Variants in MPP7 observed in about 807,000 individuals in gnomAD.
The protein encoded by MPP7 is MAGUK p55 scaffold protein 7.
MPP7 carries 60 observed loss-of-function variants against 76.5 expected under a neutral mutation model. The ratio of observed to expected loss-of-function variants is 0.78; its 90% confidence interval spans 0.64 to 0.97. MPP7 has a LOEUF of 0.97. MPP7 is among the 50% of genes least tolerant of loss of function. MPP7 has a pLI of 0.00. For synonymous variants in MPP7, 237 were observed against 244.5 expected, an observed-to-expected ratio of 0.97 and a Z score of 0.29; for missense variants, 641 against 694.0, an observed-to-expected ratio of 0.92 and a Z score of 0.86.
At chr10:28,236,026 GCACATTTCACA>G (rs1839063668) in intron 2 of MPP7, among the ~76,000 whole-genome samples, 2 of 152,140 alleles carry the variant, frequency 1.3e-5, no homozygotes, top group Admixed American at 6.5e-5. Flanking sequence ...CACTAGTAAC[GCACATTTCACA>G]CTTAAGATTT....
chr10:28,246,230 G>T (rs1403361309), intron 1 of MPP7, among the ~76,000 whole-genome samples: 1 of 151,998 alleles, frequency 6.6e-6, no homozygotes, highest in Non-Finnish European at 1.5e-5. Context: ...CATGTACAAG[G>T]AAGCATCCAC....
chr10:28,256,887 C>T (rs1414876556), intron 1 of MPP7, among the ~76,000 whole-genome samples: 2 of 152,108 alleles, frequency 1.3e-5, no homozygotes, highest in Admixed American at 6.6e-5. Context: ...GTCATCTTCC[C>T]CCATGCCCAG....
intron 11 of MPP7, chr10:28,118,405 G>T (rs758536990): frequency 1.0e-6 from 1 of 980,904 alleles, no homozygotes; most frequent in Non-Finnish European, 1.2e-6. Context: ...ATCCAGATTC[G>T]AGTATAATTA....
intron 11 of MPP7, among the ~76,000 whole-genome samples, chr10:28,103,529 T>C (rs1173729186): frequency 1.3e-5 from 2 of 152,172 alleles, no homozygotes; most frequent in African/African-American, 4.8e-5. Flanking sequence ...ATATTTAAAT[T>C]TGAAATGCCC....
At chr10:28,194,260 C>T (rs866911400) in intron 3 of MPP7, among the ~76,000 whole-genome samples, 3 of 151,894 alleles carry the variant, frequency 2.0e-5, no homozygotes, top group Admixed American at 1.3e-4. Flanking sequence ...GTGATCCACC[C>T]GCCTCGGCCT....
intron 2 of MPP7, among the ~76,000 whole-genome samples, chr10:28,211,626 C>A (rs1251740942): frequency 3.3e-5 from 5 of 152,146 alleles, no homozygotes; most frequent in African/African-American, 1.2e-4. Context: ...ATTGAGTAAA[C>A]AATTCACCCA....
At chr10:28,223,443 A>T (rs527739087) in intron 2 of MPP7, among the ~76,000 whole-genome samples, 17 of 152,314 alleles carry the variant, frequency 1.1e-4, no homozygotes, top group African/African-American at 3.8e-4. Context: ...CCTATGCTCA[A>T]ATTTGCAGCA....
At chr10:28,273,550 A>G (rs1473746594) in intron 1 of MPP7, among the ~76,000 whole-genome samples, 1 of 152,178 alleles carries the variant, frequency 6.6e-6, no homozygotes, top group African/African-American at 2.4e-5. Context: ...AGAACATTCT[A>G]CCCACTCTCA....
chr10:28,242,725 T>C (rs1396574340), intron 1 of MPP7, among the ~76,000 whole-genome samples: 1 of 152,204 alleles, frequency 6.6e-6, no homozygotes, highest in Non-Finnish European at 1.5e-5. Context: ...ATGGTCACAG[T>C]TGGTAAAACC....
intron 3 of MPP7, among the ~76,000 whole-genome samples, chr10:28,161,891 A>C (rs1350228533): frequency 6.6e-6 from 1 of 152,184 alleles, no homozygotes; most frequent in Non-Finnish European, 1.5e-5. Flanking sequence ...CTTTTAAACA[A>C]TCTCTTGGTT....
At chr10:28,327,270 G>T (rs1279679312) in intron 2 of MPP7, among the ~76,000 whole-genome samples, 1 of 145,634 alleles carries the variant, frequency 6.9e-6, no homozygotes, top group Non-Finnish European at 1.5e-5. Context: ...TTAACTGTGA[G>T]AAGTTGTTTT....
intron 3 of MPP7, among the ~76,000 whole-genome samples, chr10:28,157,461 A>G (rs1260594417): frequency 6.6e-6 from 1 of 152,240 alleles, no homozygotes; most frequent in Non-Finnish European, 1.5e-5. Context: ...GAAAATGACT[A>G]TTAGACAGGA....
intron 11 of MPP7, among the ~76,000 whole-genome samples, chr10:28,099,905 G>A (rs532418171): frequency 4.6e-5 from 7 of 150,706 alleles, no homozygotes; most frequent in African/African-American, 1.2e-4. Flanking sequence ...TTTTTTCAAC[G>A]GAGAAAAAAA....
At chr10:28,069,132 C>T (rs1400474454) in intron 13 of MPP7, among the ~76,000 whole-genome samples, 2 of 152,068 alleles carry the variant, frequency 1.3e-5, no homozygotes, top group Non-Finnish European at 2.9e-5. Context: ...AAAATAGTTA[C>T]AAAGAATGAA....
intron 12 of MPP7, among the ~76,000 whole-genome samples, chr10:28,085,881 G>A (rs1240305557): frequency 6.6e-6 from 1 of 151,876 alleles, no homozygotes; most frequent in East Asian, 1.9e-4. Context: ...AAAGGGAGGG[G>A]ACCAACCCAA....
At chr10:28,079,600 G>A (rs563993821) in intron 12 of MPP7, among the ~76,000 whole-genome samples, 1 of 152,166 alleles carries the variant, frequency 6.6e-6, no homozygotes, top group African/African-American at 2.4e-5. Flanking sequence ...TGCACTGAAA[G>A]AATGATTTGA....
At chr10:28,126,025 T>G (rs7098896) in intron 6 of MPP7, among the ~76,000 whole-genome samples, 12,530 of 152,282 alleles carry the variant, frequency 0.082, 723 homozygotes, top group African/African-American at 0.16. Flanking sequence ...AGTGAAATTT[T>G]TCTCCAGTTT....
intron 5 of MPP7, among the ~76,000 whole-genome samples, chr10:28,133,780 G>A (rs144329417): frequency 2.0e-5 from 3 of 152,124 alleles, no homozygotes; most frequent in East Asian, 3.9e-4. Flanking sequence ...CCAAAGTGGC[G>A]ATCTTTCCCT....
At chr10:28,196,972 C>T (rs1313642252) in intron 3 of MPP7, among the ~76,000 whole-genome samples, 1 of 152,176 alleles carries the variant, frequency 6.6e-6, no homozygotes, top group Non-Finnish European at 1.5e-5. Context: ...GTTTACAAAG[C>T]TATTCAAGAA....
Sources: gnomAD v4.1 joint callset for allele counts (sites outside exome capture counted in the v4.1 genomes callset) on GRCh38, gnomAD v4.1.1 for gene constraint, MANE v1.5 for transcripts, NCBI Gene and HGNC (gene_info 2026-07-23, HGNC 2026-07-21) for gene names.